NFATC1: variants seen among roughly 807,000 people sequenced by gnomAD.
The protein encoded by NFATC1 is nuclear factor of activated T-cells, cytoplasmic 1.
Under a neutral mutation model 76.0 loss-of-function variants are expected in NFATC1, and 22 were observed. The observed-to-expected ratio is 0.29, with a 90% CI of 0.21 to 0.41. The LOEUF (loss-of-function observed/expected upper bound fraction) is 0.41. Among genes scored for constraint, NFATC1 ranks in the 10% least tolerant of loss-of-function variants. The pLI is 1.00. For synonymous variants in NFATC1, 704 were observed against 613.1 expected (o/e 1.15, Z -2.19); for missense variants, 1,357 against 1,337.7 (o/e 1.01, Z -0.23).
At chr18:79,400,588 G>C in intron 1 of NFATC1, 1 of 1,028,312 alleles carries the variant, frequency 9.7e-7, no homozygotes, top group Non-Finnish European at 1.3e-6. Context: ...GGAGTCCCCG[G>C]CGCGCCCGGG....
intron 6 of NFATC1, among the ~76,000 whole-genome samples, chr18:79,455,317 G>A (rs1159925890): frequency 4.6e-5 from 7 of 152,354 alleles, no homozygotes; most frequent in East Asian, 3.9e-4. Context: ...GGGGCTGCAC[G>A]GGTCTCGTCA....
At chr18:79,498,753 C>G (rs888313086) in intron 9 of NFATC1, among the ~76,000 whole-genome samples, 7 of 152,228 alleles carry the variant, frequency 4.6e-5, no homozygotes, top group African/African-American at 1.7e-4. Flanking sequence ...AAGGGAGAGA[C>G]AATCCCGAAA....
chr18:79,512,410 C>A (rs1050299363), intron 9 of NFATC1, among the ~76,000 whole-genome samples: 18 of 152,306 alleles, frequency 1.2e-4, no homozygotes, highest in African/African-American at 4.3e-4. Context: ...CCGCCACACC[C>A]ACACACCCCG....
Position 79,455,746 on chromosome 18 carries a change from T to TCATGGCCGCCCCATCC in NFATC1, c.1903+3932_1903+3933insTGGCCGCCCCATCCCA, listed in dbSNP as rs2087679833. Among the ~76,000 whole-genome samples, 69 of 148,364 alleles carry TCATGGCCGCCCCATCC rather than the reference T, an allele frequency of 4.7e-4. 1 individual carries two copies. Among genetic ancestry groups the TCATGGCCGCCCCATCC allele is most frequent in the Admixed American group, 9.3e-4 (14 of 15,074 alleles). On this transcript the variant is annotated intron_variant, in intron 6 of 9. Coordinates refer to ENST00000427363, the MANE Select transcript of NFATC1 (RefSeq NM_001278669.2). ...GTGGGACCCCAGCTCGCCCCCCATCTCACGGCCGCCCCATCCCACGGCCGC... is the reference window on the plus strand; with the variant it reads ...GTGGGACCCCAGCTCGCCCCCCATCTCATGGCCGCCCCATCCCACGGCCGCCCCATCCCACGGCCGC...
chr18:79,409,108 TC>T (rs767194070), intron 1 of NFATC1, among the ~76,000 whole-genome samples: 22,479 of 108,372 alleles, frequency 0.21, 8,010 homozygotes, highest in East Asian at 0.62. Context: ...CATCCATCCA[TC>T]CATCAAACCA....
In NFATC1 at chr18:79,458,798, G is replaced by A. The variant is rs536768150; in HGVS notation, c.1904-2513G>A. On this transcript the variant is annotated intron_variant, in intron 6 of 9. Transcript: ENST00000427363. ...GAGCCGCCATGGCGATGCTCTTGCC[G>A]GCGGGACGCGGCCCTGCGTCTCCTT... Among the ~76,000 whole-genome samples the A allele has an allele frequency of 4.6e-5, 7 of 152,370 alleles. No individual in the cohort carries two copies. The East Asian group carries it at 9.6e-4, about 21-fold the overall frequency.
At chr18:79,522,781 C>T (rs888733812) in intron 9 of NFATC1, among the ~76,000 whole-genome samples, 5 of 152,102 alleles carry the variant, frequency 3.3e-5, no homozygotes, top group African/African-American at 1.2e-4. Flanking sequence ...GGGTGGGAAC[C>T]CTCCTGTCCC....
intron 9 of NFATC1, among the ~76,000 whole-genome samples, chr18:79,494,287 G>A (rs1227156027): frequency 9.5e-5 from 14 of 147,056 alleles, no homozygotes; most frequent in African/African-American, 3.3e-4. Flanking sequence ...ACCGCCGGGG[G>A]AAGGCGAGAG....
intron 9 of NFATC1, chr18:79,496,325 G>A (rs11664879): frequency 0.06 from 9,094 of 152,484 alleles, 398 homozygotes; most frequent in Admixed American, 0.096. Context: ...GATGTGCTGG[G>A]GTACCGGAGC....
chr18:79,468,506 C>T (rs953449862), intron 8 of NFATC1: 1 of 152,170 alleles, frequency 6.6e-6, no homozygotes, highest in African/African-American at 2.4e-5. Context: ...TTTCTAAAAA[C>T]TGCAGAGATT....
Position 79,448,875 on chromosome 18 carries a change from G to T in NFATC1, c.1480G>T (p.Val494Leu). 1 of 1,613,794 alleles carries T rather than the reference G, an allele frequency of 6.2e-7. No homozygotes were observed. The highest frequency in any genetic ancestry group is 8.5e-7 in the Non-Finnish European group (1 of 1,180,032). Residue 494 changes from valine to leucine, a missense_variant, in exon 4 of 10, where the codon GTG becomes TTG. Around this residue, in one of 3 missense-constraint regions of NFATC1, gnomAD observed 242 missense variants for 329.2 expected, o/e 0.74. Coordinates refer to ENST00000427363, the MANE Select transcript of NFATC1 (RefSeq NM_001278669.2). ...GCTGCGCCCGCACGCCTTCTACCAG[G>T]TGCACCGCATCACAGGGAAGACCGT... ...RLLRPHAFYQ[V>L]HRITGKTVST...
At chr18:79,480,871 G>A (rs1296037465) in intron 8 of NFATC1, among the ~76,000 whole-genome samples, 2 of 152,222 alleles carry the variant, frequency 1.3e-5, no homozygotes, top group East Asian at 3.9e-4. Context: ...TCTGGGCCCT[G>A]GCTGAAAATC....
At position 79,486,970 on chromosome 18, in the gene NFATC1, C is replaced by T. The variant is rs139314128; in HGVS notation, c.2782+33C>T. On this transcript the variant is annotated intron_variant, in intron 9 of 9. Transcript: ENST00000427363. ...CCCGCAGCCATGCAGGTGTGTGCCC[C>T]GCCTGGCGCCATGGCGTGAGCTCAT... 444 of 1,555,280 alleles carry T rather than the reference C, an allele frequency of 2.9e-4. 2 individuals carry two copies. The African/African-American group carries it at 4.2e-3, about 15-fold the overall frequency.
chr18:79,499,520 G>A (rs962990456), intron 9 of NFATC1, among the ~76,000 whole-genome samples: 21 of 152,210 alleles, frequency 1.4e-4, no homozygotes, highest in East Asian at 1.2e-3. Context: ...TAATCCTACC[G>A]TATCAATAAT....
intron 2 of NFATC1, among the ~76,000 whole-genome samples, chr18:79,419,081 G>C (rs2085977250): frequency 6.6e-6 from 1 of 152,160 alleles, no homozygotes; most frequent in African/African-American, 2.4e-5. Flanking sequence ...CTGGAGTGCA[G>C]GGTGTCATCA....
chr18:79,515,024 A>G (rs889235696), intron 9 of NFATC1, among the ~76,000 whole-genome samples: 2 of 151,940 alleles, frequency 1.3e-5, no homozygotes, highest in African/African-American at 4.8e-5. Context: ...AGCCTGGGCA[A>G]CAGACAGAGC....
chr18:79,472,686 G>C (rs139846724), intron 8 of NFATC1, among the ~76,000 whole-genome samples: 31 of 152,110 alleles, frequency 2.0e-4, no homozygotes, highest in African/African-American at 7.2e-4. Context: ...GGCTGGGCCT[G>C]AGCTCGGCTC....
At chr18:79,439,539 C>T (rs2086898058) in intron 3 of NFATC1, among the ~76,000 whole-genome samples, 1 of 152,232 alleles carries the variant, frequency 6.6e-6, no homozygotes, top group African/African-American at 2.4e-5. Flanking sequence ...TCTTTCAGCA[C>T]AATTTCAGGG....
At chr18:79,506,256 T>C (rs1194128826) in intron 9 of NFATC1, among the ~76,000 whole-genome samples, 1 of 152,136 alleles carries the variant, frequency 6.6e-6, no homozygotes, top group Non-Finnish European at 1.5e-5. Flanking sequence ...GGAACAGTGG[T>C]CTCGGCCGAG....
Sources: allele counts gnomAD v4.1 joint callset (sites outside exome capture counted in the v4.1 genomes callset), GRCh38; gene constraint gnomAD v4.1.1; regional missense constraint gnomAD v4.1.1; transcripts MANE v1.5; gene names NCBI Gene and HGNC (gene_info 2026-07-23, HGNC 2026-07-21).